Variants in CELF2 observed in about 807,000 individuals in gnomAD.
CELF2 encodes CUGBP Elav-like family member 2, also known as CUG triplet repeat RNA-binding protein 2.
A neutral mutation model predicts 62.6 loss-of-function variants in CELF2; 8 were observed. That is an observed-to-expected ratio of 0.13 (90% CI 0.07 to 0.23). CELF2 has a LOEUF of 0.23. CELF2 is among the 10% of genes least tolerant of loss of function. CELF2 has a pLI of 1.00. For missense variants in CELF2, 333 were observed against 671.0 expected, an observed-to-expected ratio of 0.50 and a Z score of 5.56; for synonymous variants, 258 against 250.0, an observed-to-expected ratio of 1.03 and a Z score of -0.30.
At chr10:11,077,536 G>A (rs1203787443) in intron 1 of CELF2, among the ~76,000 whole-genome samples, 2 of 152,164 alleles carry the variant, frequency 1.3e-5, no homozygotes, top group African/African-American at 2.4e-5. Flanking sequence ...ACTGAGCCTT[G>A]AATGTGTATG....
the CELF2 span, among the ~76,000 whole-genome samples, chr10:10,644,428 T>TG: frequency 6.6e-6 from 1 of 151,388 alleles, no homozygotes. Context: ...TGTGTGTGTG[T>TG]TTGCACTTCA....
At chr10:10,494,826 A>G in the CELF2 span, among the ~76,000 whole-genome samples, 1 of 152,344 alleles carries the variant, frequency 6.6e-6, no homozygotes, top group Non-Finnish European at 1.5e-5. Context: ...ATTAATATGA[A>G]TCTACATACA....
intron 9 of CELF2, among the ~76,000 whole-genome samples, chr10:11,295,645 G>A (rs1012192665): frequency 6.6e-6 from 1 of 152,144 alleles, no homozygotes. Flanking sequence ...TTAGCCCTTG[G>A]CCCTGCTGCT....
chr10:11,113,539 T>C (rs1228791452), intron 1 of CELF2, among the ~76,000 whole-genome samples: 2 of 152,192 alleles, frequency 1.3e-5, no homozygotes, highest in Non-Finnish European at 2.9e-5. Flanking sequence ...GTGGTGGAAA[T>C]AGGTCTGGCT....
chr10:11,087,266 T>C (rs1251136380), intron 1 of CELF2, among the ~76,000 whole-genome samples: 1 of 152,158 alleles, frequency 6.6e-6, no homozygotes, highest in Non-Finnish European at 1.5e-5. Flanking sequence ...AAAAGATTGA[T>C]AGGTGATGAG....
At chr10:11,197,053 GAAAGAAA>G (rs2058040715) in intron 2 of CELF2, among the ~76,000 whole-genome samples, 3 of 57,168 alleles carry the variant, frequency 5.2e-5, no homozygotes, top group Admixed American at 1.5e-4. Context: ...AAGAAAGAAA[GAAAGAAA>G]AGAAAGAAAG....
intron 1 of CELF2, among the ~76,000 whole-genome samples, chr10:10,893,065 G>C (rs1185574254): frequency 1.3e-5 from 2 of 152,188 alleles, no homozygotes; most frequent in South Asian, 2.1e-4. Flanking sequence ...GATAACATTA[G>C]AGCAGAACAT....
At chr10:11,212,961 C>G (rs2062303359) in intron 2 of CELF2, among the ~76,000 whole-genome samples, 1 of 152,028 alleles carries the variant, frequency 6.6e-6, no homozygotes. Context: ...GTCAAATGAG[C>G]AAAGTGGAAA....
At chr10:11,205,454 T>C (rs2135431499) in intron 2 of CELF2, among the ~76,000 whole-genome samples, 1 of 152,360 alleles carries the variant, frequency 6.6e-6, no homozygotes, top group East Asian at 1.9e-4. Flanking sequence ...CTAAGCACTC[T>C]TATTTACATG....
chr10:11,114,991 A>C (rs1183341634), intron 1 of CELF2, among the ~76,000 whole-genome samples: 2 of 152,228 alleles, frequency 1.3e-5, no homozygotes, highest in Non-Finnish European at 2.9e-5. Flanking sequence ...CTTCTGGCAC[A>C]CAGTAGGGCC....
the CELF2 span, among the ~76,000 whole-genome samples, chr10:10,468,257 A>T: frequency 1.3e-5 from 2 of 152,036 alleles, no homozygotes; most frequent in African/African-American, 4.8e-5. Flanking sequence ...TTGGCCCTCC[A>T]CAAAGTCAAC....
intron 1 of CELF2, 38 bp downstream of exon 1, chr10:11,018,201 G>A (rs2057615193): frequency 6.7e-6 from 10 of 1,484,564 alleles, no homozygotes; most frequent in African/African-American, 1.5e-5. Context: ...GCGAGCGGGC[G>A]TCCTCCTCCC....
At chr10:10,642,994 G>A in the CELF2 span, among the ~76,000 whole-genome samples, 4 of 152,260 alleles carry the variant, frequency 2.6e-5, no homozygotes, top group Admixed American at 2.6e-4. Context: ...CAGCAGTTGG[G>A]AGAGTTGCAG....
At chr10:11,294,595 A>G (rs934709353) in intron 9 of CELF2, among the ~76,000 whole-genome samples, 2 of 152,208 alleles carry the variant, frequency 1.3e-5, no homozygotes, top group African/African-American at 4.8e-5. Flanking sequence ...AGTTGGTAAA[A>G]TGGGCTGTTC....
the CELF2 span, among the ~76,000 whole-genome samples, chr10:10,776,912 C>T: frequency 1.6e-4 from 24 of 152,378 alleles, no homozygotes; most frequent in Middle Eastern, 6.8e-3. Context: ...ACACGTCCTC[C>T]GGAAGGCCAT....
At chr10:11,210,339 G>T (rs1241442191) in intron 2 of CELF2, among the ~76,000 whole-genome samples, 1 of 152,178 alleles carries the variant, frequency 6.6e-6, no homozygotes, top group African/African-American at 2.4e-5. Context: ...TGAAGACGTG[G>T]ACAGGCCCGT....
At chr10:10,626,358 G>A in the CELF2 span, among the ~76,000 whole-genome samples, 5 of 152,176 alleles carry the variant, frequency 3.3e-5, no homozygotes, top group Admixed American at 3.3e-4. Context: ...TTAGTGCTAG[G>A]TATGGAGTAA....
chr10:11,195,424 T>A (rs1298529322), intron 2 of CELF2, among the ~76,000 whole-genome samples: 1 of 152,192 alleles, frequency 6.6e-6, no homozygotes, highest in African/African-American at 2.4e-5. Flanking sequence ...AAGCCAGACT[T>A]AGGTACCGTT....
chr10:10,546,341 T>G, the CELF2 span, among the ~76,000 whole-genome samples: 1 of 152,154 alleles, frequency 6.6e-6, no homozygotes, highest in Non-Finnish European at 1.5e-5. Flanking sequence ...TCACGGATGC[T>G]TTTGTTCAGA....
Sources: gnomAD v4.1 joint callset for allele counts (sites outside exome capture counted in the v4.1 genomes callset) on GRCh38, gnomAD v4.1.1 for gene constraint, MANE v1.5 for transcripts, NCBI Gene and HGNC (gene_info 2026-07-23, HGNC 2026-07-21) for gene names.